Variants in TGFBR3 observed in about 807,000 individuals in gnomAD.
TGFBR3 encodes transforming growth factor beta receptor type 3.
Under a neutral mutation model 87.9 loss-of-function variants are expected in TGFBR3, and 46 were observed. The ratio of observed to expected loss-of-function variants is 0.52; its 90% CI spans 0.41 to 0.67. TGFBR3 has a LOEUF of 0.67. Ranked by LOEUF, TGFBR3 falls within the 30% of genes least tolerant of loss-of-function variation. The pLI is 0.00. For synonymous variants in TGFBR3, 381 were observed against 391.6 expected (o/e 0.97, Z 0.32); for missense variants, 866 against 1,041.9 (o/e 0.83, Z 2.32).
chr1:91,780,862 T>C (rs1294564856), intron 3 of TGFBR3, among the ~76,000 whole-genome samples: 1 of 148,986 alleles, frequency 6.7e-6, no homozygotes, highest in Non-Finnish European at 1.5e-5. Flanking sequence ...CCGGCCTTCC[T>C]AAGGCTTTTA....
intron 2 of TGFBR3, among the ~76,000 whole-genome samples, chr1:91,824,365 G>T (rs749443773): frequency 6.6e-6 from 1 of 152,154 alleles, no homozygotes; most frequent in Non-Finnish European, 1.5e-5. Context: ...GAAATGACAT[G>T]ATAGTATGAG....
At chr1:91,769,719 C>A (rs1177892833) in intron 3 of TGFBR3, among the ~76,000 whole-genome samples, 1 of 151,816 alleles carries the variant, frequency 6.6e-6, no homozygotes. Context: ...TGACACAAAC[C>A]GATCACTCTC....
intron 1 of TGFBR3, among the ~76,000 whole-genome samples, chr1:91,865,431 C>T (rs914355757): frequency 7.9e-5 from 12 of 151,322 alleles, no homozygotes; most frequent in African/African-American, 2.9e-4. Flanking sequence ...TGCACATGTA[C>T]CCTAGAACTT....
chr1:91,884,652 C>T (rs1679224851), intron 1 of TGFBR3, among the ~76,000 whole-genome samples: 1 of 152,172 alleles, frequency 6.6e-6, no homozygotes, highest in Admixed American at 6.5e-5. Flanking sequence ...AACTTAACCT[C>T]TAGTGTCTTA....
intron 4 of TGFBR3, among the ~76,000 whole-genome samples, chr1:91,747,469 G>A (rs1211950151): frequency 6.6e-6 from 1 of 152,206 alleles, no homozygotes. Flanking sequence ...GTGCTGGTCA[G>A]AGTGGAGAGG....
chr1:91,724,909 G>A (rs1488693), intron 7 of TGFBR3, among the ~76,000 whole-genome samples: 50,263 of 152,026 alleles, frequency 0.33, 8,639 homozygotes, highest in South Asian at 0.39. Flanking sequence ...GCCAGAGAGC[G>A]TAGTGCATAT....
chr1:91,883,064 C>G (rs2770183), intron 1 of TGFBR3, among the ~76,000 whole-genome samples: 120,630 of 152,260 alleles, frequency 0.79, 48,778 homozygotes, highest in Non-Finnish European at 0.85. Context: ...TTCTACAAAA[C>G]ACAAATGAGG....
At chr1:91,685,717 A>C (rs946884898) in intron 16 of TGFBR3, among the ~76,000 whole-genome samples, 1 of 152,136 alleles carries the variant, frequency 6.6e-6, no homozygotes. Context: ...AAGGCTGGGG[A>C]AATTAGCCTC....
chr1:91,859,719 C>T (rs1185482225), intron 2 of TGFBR3, among the ~76,000 whole-genome samples: 1 of 151,884 alleles, frequency 6.6e-6, no homozygotes, highest in Non-Finnish European at 1.5e-5. Context: ...ACCAGCCTGG[C>T]TAACATGGTG....
At chr1:91,791,466 A>T (rs1675191276) in intron 3 of TGFBR3, among the ~76,000 whole-genome samples, 1 of 152,174 alleles carries the variant, frequency 6.6e-6, no homozygotes, top group Non-Finnish European at 1.5e-5. Flanking sequence ...CACACAGACC[A>T]ACTTAATACT....
chr1:91,859,206 C>T (rs908018012), intron 2 of TGFBR3, among the ~76,000 whole-genome samples: 1 of 152,060 alleles, frequency 6.6e-6, no homozygotes, highest in South Asian at 2.1e-4. Flanking sequence ...AAAACTGATT[C>T]ACTATCAAAT....
At chr1:91,695,525 C>A in intron 16 of TGFBR3, 147 bp downstream of exon 16, 1 of 768,384 alleles carries the variant, frequency 1.3e-6, no homozygotes, top group Non-Finnish European at 2.3e-6. Flanking sequence ...TTTTGTGAAA[C>A]CCAATTTATA....
rs1317197557 is a variant in TGFBR3 at position 91,681,866 on chromosome 1, G to A, written c.*1873C>T. On this transcript the variant is annotated 3_prime_UTR_variant, in exon 17 of 17. Transcript: ENST00000212355. Reference sequence around the variant, plus strand: ...CGCAATATTTTCAAACACAGGTAGCGTAATCTAGGTCCTCCACTCTGATAC... The same window carrying A: ...CGCAATATTTTCAAACACAGGTAGCATAATCTAGGTCCTCCACTCTGATAC... 6 of 452,868 alleles carry A rather than the reference G, an allele frequency of 1.3e-5. No individual in the cohort carries two copies. The highest frequency in any genetic ancestry group is 3.1e-5 in the South Asian group (2 of 64,068). 28.1% of individuals were successfully genotyped at this position (452,868 alleles called of 1,614,324 possible).
At position 91,683,790 on chromosome 1, in the gene TGFBR3, G is replaced by A. The variant is rs1421699013; in HGVS notation, c.2505C>T (p.His835=). ...PPASENSSAA[H]SIGSTQSTPC... is the part of the protein sequence containing the mutation. ...GCGTGCTCTGCGTGCTGCCGATGCTGTGGGCAGCACTGCTGTTTTCCGAGG... is the reference window on the plus strand; with the variant it reads ...GCGTGCTCTGCGTGCTGCCGATGCTATGGGCAGCACTGCTGTTTTCCGAGG... The change falls in exon 17 of 17, where the codon CAC becomes CAT. Residue 835 remains histidine, a synonymous_variant. Coordinates refer to ENST00000212355, the MANE Select transcript of TGFBR3 (RefSeq NM_003243.5). 1.9e-6 allele frequency: 3 copies of A among 1,607,534 alleles called. No individual in the cohort carries two copies. Among genetic ancestry groups the A allele is most frequent in the Non-Finnish European group, 2.5e-6 (3 of 1,177,848 alleles).
At chr1:91,755,789 C>T (rs777718062) in intron 4 of TGFBR3, among the ~76,000 whole-genome samples, 2 of 152,262 alleles carry the variant, frequency 1.3e-5, no homozygotes, top group Admixed American at 6.5e-5. Flanking sequence ...ATCCAGGCAG[C>T]GATAAGTACA....
intron 3 of TGFBR3, among the ~76,000 whole-genome samples, chr1:91,767,971 G>A: frequency 6.6e-6 from 1 of 151,942 alleles, no homozygotes; most frequent in Non-Finnish European, 1.5e-5. Context: ...CCAGCACTTT[G>A]GGAGGCCAAG....
chr1:91,681,107 G>A lies in TGFBR3; in HGVS notation c.*2632C>T. ...ATAACAAAAGACTGCAGATACAAGA[G>A]TTCAGCTGAAATACAACAATACTTT... On this transcript the variant is annotated 3_prime_UTR_variant, in exon 17 of 17. Coordinates refer to ENST00000212355, the MANE Select transcript of TGFBR3 (RefSeq NM_003243.5). The A allele has an allele frequency of 2.2e-6, 1 of 454,088 alleles. No homozygotes were observed. 28.1% of individuals were successfully genotyped at this position (454,088 alleles called of 1,614,324 possible).
At chr1:91,699,929 G>A (rs1027056967) in intron 14 of TGFBR3, among the ~76,000 whole-genome samples, 3 of 152,184 alleles carry the variant, frequency 2.0e-5, no homozygotes, top group Non-Finnish European at 2.9e-5. Context: ...ACCTATTTTT[G>A]TATGGCCCAT....
chr1:91,841,793 C>CAAA (rs57953815), intron 2 of TGFBR3, among the ~76,000 whole-genome samples: 5 of 88,806 alleles, frequency 5.6e-5, no homozygotes, highest in South Asian at 4.1e-4. Flanking sequence ...GACTCCATCT[C>CAAA]AAAAAAAAAA....
Sources: gnomAD v4.1 joint callset for allele counts (sites outside exome capture counted in the v4.1 genomes callset) on GRCh38, gnomAD v4.1.1 for gene constraint, MANE v1.5 for transcripts, NCBI Gene and HGNC (gene_info 2026-07-23, HGNC 2026-07-21) for gene names.